SAMD3: variants seen among roughly 807,000 people sequenced by gnomAD.
The protein encoded by SAMD3 is sterile alpha motif domain containing 3, also known as sterile alpha motif domain-containing protein 3.
In SAMD3, 63 loss-of-function variants were observed where a neutral mutation model predicts 58.5. That is an observed-to-expected ratio of 1.08 (90% CI 0.88 to 1.33). The LOEUF is 1.33. Among genes scored for constraint, SAMD3 ranks in the 40% most tolerant of loss-of-function variants. The pLI is 0.00. For missense variants in SAMD3, 604 were observed against 608.4 expected, an observed-to-expected ratio of 0.99 and a Z score of 0.08; for synonymous variants, 220 against 210.3, an observed-to-expected ratio of 1.05 and a Z score of -0.40.
intron 8 of SAMD3, among the ~76,000 whole-genome samples, chr6:130,155,304 G>T (rs779275330): frequency 1.6e-4 from 25 of 152,116 alleles, no homozygotes; most frequent in Admixed American, 5.9e-4. Context: ...TATCCAGAAG[G>T]TTCCCACTGA....
At chr6:130,154,796 G>T in intron 9 of SAMD3, 29 bp downstream of exon 9, 1 of 1,203,878 alleles carries the variant, frequency 8.3e-7, no homozygotes. Context: ...ATATATATGT[G>T]TGTGTATATA....
chr6:130,329,072 T>C (rs1776846307), intron 1 of SAMD3, among the ~76,000 whole-genome samples: 1 of 151,988 alleles, frequency 6.6e-6, no homozygotes, highest in Non-Finnish European at 1.5e-5. Context: ...CTCTTATCTA[T>C]CACCTATCTA....
chr6:130,321,970 A>G (rs1342242778), intron 1 of SAMD3, among the ~76,000 whole-genome samples: 2 of 152,172 alleles, frequency 1.3e-5, no homozygotes, highest in African/African-American at 4.8e-5. Context: ...AGGCAAACAC[A>G]CTACTAATTC....
At chr6:130,302,171 C>T (rs188354076) in intron 2 of SAMD3, among the ~76,000 whole-genome samples, 1 of 152,202 alleles carries the variant, frequency 6.6e-6, no homozygotes, top group East Asian at 1.9e-4. Flanking sequence ...AATAAACAGA[C>T]AACCTCCAGA....
chr6:130,319,805 A>T (rs539662562), intron 1 of SAMD3, among the ~76,000 whole-genome samples: 1 of 152,336 alleles, frequency 6.6e-6, no homozygotes, highest in Admixed American at 6.5e-5. Flanking sequence ...GTGGGGTTTT[A>T]ATGTGTAAGT....
intron 2 of SAMD3, among the ~76,000 whole-genome samples, chr6:130,281,868 G>A (rs975340041): frequency 2.7e-5 from 4 of 149,082 alleles, no homozygotes; most frequent in South Asian, 4.4e-4. Context: ...AGCCGAGATC[G>A]TGTCACTGCA....
chr6:130,285,939 A>G (rs1177171253), intron 2 of SAMD3, among the ~76,000 whole-genome samples: 1 of 152,248 alleles, frequency 6.6e-6, no homozygotes, highest in Non-Finnish European at 1.5e-5. Flanking sequence ...TAATAAAGGC[A>G]GTGCTTTAGA....
intron 2 of SAMD3, among the ~76,000 whole-genome samples, chr6:130,309,511 C>G (rs112607785): frequency 6.6e-6 from 1 of 152,070 alleles, no homozygotes; most frequent in African/African-American, 2.4e-5. Context: ...AATGCTAGTG[C>G]TTTTAAAATC....
Position 130,209,608 on chromosome 6 carries a change from A to T in SAMD3, c.270T>A (p.Asp90Glu). The change falls in exon 5 of 12, where the codon GAT becomes GAA. Residue 90 changes from aspartate (D) to glutamate (E), a missense_variant and splice_region_variant. Transcript: ENST00000439090. ...ALVMQTEAAR[D>E]YRDEESSSPA... Reference sequence around the variant, plus strand: ...GACTGGAGGACTCTTCATCCCTGTAACTAAGAAAGAAGAGGTGGGTCAGGC... The same window carrying T: ...GACTGGAGGACTCTTCATCCCTGTATCTAAGAAAGAAGAGGTGGGTCAGGC... 1 of 1,596,818 alleles carries T rather than the reference A, an allele frequency of 6.3e-7. No individual in the cohort carries two copies. The highest frequency in any genetic ancestry group is 8.6e-7 in the Non-Finnish European group (1 of 1,164,490).
intron 1 of SAMD3, among the ~76,000 whole-genome samples, chr6:130,338,894 T>G (rs1259951655): frequency 6.6e-6 from 1 of 152,112 alleles, no homozygotes; most frequent in Non-Finnish European, 1.5e-5. Flanking sequence ...GACTTGGACT[T>G]TTGGGTTAAT....
chr6:130,179,522 C>T (rs988422557), intron 7 of SAMD3, among the ~76,000 whole-genome samples: 1 of 150,418 alleles, frequency 6.6e-6, no homozygotes, highest in East Asian at 1.9e-4. Context: ...GAATGTGGAC[C>T]GTCTTACATG....
chr6:130,186,413 T>C (rs1792964837), intron 5 of SAMD3, among the ~76,000 whole-genome samples: 1 of 152,240 alleles, frequency 6.6e-6, no homozygotes, highest in South Asian at 2.1e-4. Context: ...TTTCCTTTTT[T>C]CCCCCTTTGG....
chr6:130,280,348 C>T (rs1014534185), intron 2 of SAMD3, among the ~76,000 whole-genome samples: 3 of 152,092 alleles, frequency 2.0e-5, no homozygotes, highest in South Asian at 2.1e-4. Context: ...TACCTCTTAC[C>T]CTTCTCACCA....
At chr6:130,203,568 T>A (rs1015773770) in intron 5 of SAMD3, among the ~76,000 whole-genome samples, 11 of 152,212 alleles carry the variant, frequency 7.2e-5, no homozygotes, top group Non-Finnish European at 1.6e-4. Context: ...CTCACCCCCA[T>A]GTCTTCCTAC....
intron 1 of SAMD3, among the ~76,000 whole-genome samples, chr6:130,346,695 C>T (rs549745986): frequency 6.6e-6 from 1 of 152,226 alleles, no homozygotes; most frequent in Admixed American, 6.5e-5. Context: ...CGTCTGCAGA[C>T]TTAAATGTCC....
At chr6:130,310,800 A>G (rs1397175729) in intron 2 of SAMD3, among the ~76,000 whole-genome samples, 5 of 152,214 alleles carry the variant, frequency 3.3e-5, no homozygotes, top group Non-Finnish European at 7.3e-5. Context: ...GTAAATGTAT[A>G]TTTATTAACA....
In SAMD3 at chr6:130,158,860, C is replaced by T. The variant is rs569793410; in HGVS notation, c.823-3835G>A. 3.9e-5 allele frequency among the ~76,000 whole-genome samples: 6 copies of T among 152,230 alleles called. No homozygotes were observed. In the South Asian group the frequency reaches 8.3e-4, roughly 21 times the overall value. On this transcript the variant is annotated intron_variant, in intron 8 of 11. Coordinates refer to ENST00000439090, the MANE Select transcript of SAMD3 (RefSeq NM_001017373.4). ...CCTATGTAAATACAGGAGAGGCCCA[C>T]GACCAGTCTGATTGGTTGTGGAAGG...
chr6:130,153,666 T>TATATATATATATATATATATATATATC (rs58896049), intron 9 of SAMD3, among the ~76,000 whole-genome samples: 2 of 91,156 alleles, frequency 2.2e-5, no homozygotes, highest in Non-Finnish European at 2.3e-5. Flanking sequence ...ATATATATAT[T>TATATATATATATATATATATATATATC]TATTTATTTA....
chr6:130,245,262 G>C (rs1403946887), intron 2 of SAMD3, among the ~76,000 whole-genome samples: 1 of 152,196 alleles, frequency 6.6e-6, no homozygotes. Flanking sequence ...ACTGTGATCA[G>C]AAATGTCTAG....
Sources: gnomAD v4.1 joint callset for allele counts (sites outside exome capture counted in the v4.1 genomes callset) on GRCh38, gnomAD v4.1.1 for gene constraint, MANE v1.5 for transcripts, NCBI Gene and HGNC (gene_info 2026-07-23, HGNC 2026-07-21) for gene names.